Variants in DDX10 observed in about 807,000 individuals in gnomAD.
The protein encoded by DDX10 is DEAD-box helicase 10.
DDX10 carries 74 observed loss-of-function variants against 104.3 expected under a neutral mutation model. The observed-to-expected ratio is 0.71, with a 90% CI of 0.59 to 0.86. DDX10 has a LOEUF of 0.86. Among genes scored for constraint, DDX10 ranks in the 40% least tolerant of loss-of-function variants. DDX10 has a pLI of 0.00. For synonymous variants in DDX10, 351 were observed against 353.4 expected (o/e 0.99, Z 0.08); for missense variants, 952 against 1,040.0 (o/e 0.92, Z 1.16).
At chr11:108,793,188 T>A (rs1361740733) in intron 13 of DDX10, among the ~76,000 whole-genome samples, 1 of 152,140 alleles carries the variant, frequency 6.6e-6, no homozygotes, top group Non-Finnish European at 1.5e-5. Context: ...TTCTCTCAGG[T>A]GACACTCCAC....
intron 13 of DDX10, among the ~76,000 whole-genome samples, chr11:108,772,321 T>G (rs1565273705): frequency 6.6e-6 from 1 of 152,176 alleles, no homozygotes. Context: ...TGGATTAGAT[T>G]AGGCAGGCTC....
intron 15 of DDX10, among the ~76,000 whole-genome samples, chr11:108,844,955 G>C (rs1404404162): frequency 6.6e-6 from 1 of 152,176 alleles, no homozygotes; most frequent in Admixed American, 6.5e-5. Context: ...CCAGCACTTT[G>C]GGAGGCCGAG....
chr11:108,832,908 A>G (rs1295680237), intron 13 of DDX10, among the ~76,000 whole-genome samples: 2 of 152,200 alleles, frequency 1.3e-5, no homozygotes, highest in African/African-American at 4.8e-5. Flanking sequence ...TTGAATATGA[A>G]TGGAATCTCT....
At position 108,754,966 on chromosome 11, in the gene DDX10, A is replaced by G. The variant is rs140241649; in HGVS notation, c.1965+31504A>G. ...CTCTCTTATATTTCCTGCCTTCACT[A>G]TTTGAGGAAATCTGATTTTGTTGGC... On this transcript the variant is annotated intron_variant, in intron 13 of 17. Transcript: ENST00000322536. Among the ~76,000 whole-genome samples the G allele has an allele frequency of 4.3e-4, 65 of 152,102 alleles. No homozygotes were observed. In the East Asian group the frequency reaches 0.013, roughly 29 times the overall value.
In DDX10 at chr11:108,837,607, CTTTTTTTTTTTTTTTTTTTT is replaced by C. The variant is rs142381520; in HGVS notation, c.1966-823_1966-804del. Among the ~76,000 whole-genome samples the C allele has an allele frequency of 7.2e-4, 25 of 34,750 alleles. 1 individual carries two copies. Among genetic ancestry groups the C allele is most frequent in the Admixed American group, 1.3e-3 (3 of 2,400 alleles). 22.8% of individuals were successfully genotyped at this position (34,750 alleles called of 152,430 possible). On this transcript the variant is annotated intron_variant, in intron 13 of 17. Transcript: ENST00000322536. ...TTCTGCATCTCACCTTTGGATACAG[CTTTTTTTTTTTTTTTTTTTT>C]TTTTTTTTTTTTTTTAGGCAAAGCC...
At position 108,753,552 on chromosome 11, in the gene DDX10, G is replaced by A. The variant is rs112027133; in HGVS notation, c.1965+30090G>A. 6.0e-3 allele frequency among the ~76,000 whole-genome samples: 908 copies of A among 152,048 alleles called. 9 individuals carry two copies. The highest frequency in any genetic ancestry group is 1.0e-2 in the Non-Finnish European group (678 of 67,928). The stretch of plus-strand genomic sequence containing the variant: ...CCCTCTGTCCATCGTGTTTTCATGG[G>A]TTACACATTTTATATATCATGAATG... On this transcript the variant is annotated intron_variant, in intron 13 of 17. Transcript: ENST00000322536.
At chr11:108,844,033 C>T (rs1357668797) in intron 15 of DDX10, among the ~76,000 whole-genome samples, 1 of 152,172 alleles carries the variant, frequency 6.6e-6, no homozygotes, top group Non-Finnish European at 1.5e-5. Context: ...TAGACTGTCT[C>T]CATGACTATC....
intron 16 of DDX10, among the ~76,000 whole-genome samples, chr11:108,888,568 G>A (rs1258425283): frequency 2.0e-5 from 3 of 151,952 alleles, no homozygotes; most frequent in Non-Finnish European, 2.9e-5. Flanking sequence ...ACTTCTCTGC[G>A]CACACAGACT....
chr11:108,673,375 A>C (rs2094219573), intron 1 of DDX10, 92 bp from the exon 2 acceptor site: 2 of 813,456 alleles, frequency 2.5e-6, no homozygotes, highest in Non-Finnish European at 4.0e-6. Flanking sequence ...ACCCTGAATT[A>C]CCAAGGATGA....
chr11:108,869,611 CTG>C (rs945254561), intron 16 of DDX10, among the ~76,000 whole-genome samples: 16 of 152,158 alleles, frequency 1.1e-4, no homozygotes, highest in African/African-American at 2.9e-4. Flanking sequence ...TCTGAGCAGA[CTG>C]TGGATTATTC....
chr11:108,766,653 G>A (rs1295390191), intron 13 of DDX10, among the ~76,000 whole-genome samples: 1 of 152,218 alleles, frequency 6.6e-6, no homozygotes, highest in African/African-American at 2.4e-5. Context: ...GGAGGAAATT[G>A]TAGTTTAATG....
chr11:108,940,135 C>T (rs1008019293), intron 17 of DDX10, 111 bp from the exon 18 acceptor site: 1 of 1,170,224 alleles, frequency 8.5e-7, no homozygotes, highest in African/African-American at 1.6e-5. Flanking sequence ...GCCATGGTTT[C>T]CTTCATTCTT....
In DDX10 at chr11:108,892,048, G is replaced by A. The variant is rs2466937; in HGVS notation, c.2305-25825G>A. On this transcript the variant is annotated intron_variant, in intron 16 of 17. Transcript: ENST00000322536. ...TATGCTGCATTGTCTTATGCTTTAT[G>A]TAGTAGTCAGAACAGGTGTTGCTGT... Among the ~76,000 whole-genome samples the A allele has an allele frequency of 7.9e-5, 12 of 152,290 alleles. No individual in the cohort carries two copies. In the South Asian group the frequency reaches 2.5e-3, roughly 32 times the overall value.
At chr11:108,793,364 A>G (rs557159078) in intron 13 of DDX10, among the ~76,000 whole-genome samples, 227 of 152,336 alleles carry the variant, frequency 1.5e-3, no homozygotes, top group Non-Finnish European at 2.1e-3. Flanking sequence ...CACTGTTATC[A>G]GTAAACATTA....
intron 13 of DDX10, among the ~76,000 whole-genome samples, chr11:108,757,643 C>G (rs935634897): frequency 2.6e-5 from 4 of 152,050 alleles, no homozygotes; most frequent in African/African-American, 9.7e-5. Context: ...TGTGACTAGA[C>G]CCTTCGACTA....
In DDX10 at chr11:108,714,239, G is replaced by T. The variant is rs75688552; in HGVS notation, c.1323-1640G>T. On this transcript the variant is annotated intron_variant, in intron 10 of 17. Transcript: ENST00000322536. The stretch of plus-strand genomic sequence containing the variant: ...TTTATTTCTCAGACTTGTCCACATT[G>T]AGGCTCCAGCAGGTTTTATCAATTA... Among the ~76,000 whole-genome samples, 171 of 152,160 alleles carry T rather than the reference G, an allele frequency of 1.1e-3. 2 individuals carry two copies. Among genetic ancestry groups the T allele is most frequent in the African/African-American group, 4.0e-3 (166 of 41,496 alleles).
chr11:108,679,425 C>A lies in DDX10; in HGVS notation c.713C>A (p.Ala238Asp). The A allele has an allele frequency of 6.2e-7, 1 of 1,612,234 alleles. No individual in the cohort carries two copies. The highest frequency in any genetic ancestry group is 8.5e-7 in the Non-Finnish European group (1 of 1,179,722). The change falls in exon 6 of 18, where the codon GCT becomes GAT. Residue 238 changes from alanine (A) to aspartate (D), a missense_variant. Physicochemically the swap from Ala to Asp is moderately radical, Grantham distance 126 (BLOSUM62 -2). Transcript: ENST00000322536. The part of the protein sequence containing the change: ...LDMGFADTMN[A>D]VIENLPKKRQ... ...ATGGGCTTTGCTGATACCATGAATG[C>A]TGTTATTGAAAATCTCCCCAAGAAA...
At chr11:108,670,555 A>G (rs1380629481) in intron 1 of DDX10, among the ~76,000 whole-genome samples, 1 of 152,182 alleles carries the variant, frequency 6.6e-6, no homozygotes, top group Non-Finnish European at 1.5e-5. Context: ...TGGTGGGTCT[A>G]GAGGAGGCAC....
At chr11:108,932,450 T>A (rs1863986775) in intron 17 of DDX10, among the ~76,000 whole-genome samples, 1 of 151,860 alleles carries the variant, frequency 6.6e-6, no homozygotes, top group Non-Finnish European at 1.5e-5. Flanking sequence ...AAGACCCCCA[T>A]CTCTAAAAAG....
Sources: gnomAD v4.1 joint callset for allele counts (sites outside exome capture counted in the v4.1 genomes callset) on GRCh38, gnomAD v4.1.1 for gene constraint, MANE v1.5 for transcripts, NCBI Gene and HGNC (gene_info 2026-07-23, HGNC 2026-07-21) for gene names.